Variants in POLDIP3 observed in about 807,000 individuals in gnomAD.
POLDIP3 encodes the protein DNA polymerase delta interacting protein 3.
A neutral mutation model predicts 45.1 loss-of-function variants in POLDIP3; 14 were observed. The observed-to-expected ratio is 0.31, with a 90% CI of 0.20 to 0.49. POLDIP3 has a LOEUF of 0.49. Ranked by LOEUF, POLDIP3 falls within the 20% of genes least tolerant of loss-of-function variation. The pLI, the probability that POLDIP3 is intolerant of heterozygous loss-of-function variation, is 0.99. For missense variants in POLDIP3, 511 were observed against 538.8 expected (o/e 0.95, Z 0.51); for synonymous variants, 223 against 205.2 (o/e 1.09, Z -0.74).
At chr22:42,591,911 G>T in intron 7 of POLDIP3, 44 bp downstream of exon 7, 1 of 1,612,420 alleles carries the variant, frequency 6.2e-7, no homozygotes, top group South Asian at 1.1e-5. Context: ...ACAGCAAGTA[G>T]AGATGAGTGG....
At chr22:42,588,238 G>A (rs1478543855) in intron 7 of POLDIP3, among the ~76,000 whole-genome samples, 3 of 152,118 alleles carry the variant, frequency 2.0e-5, no homozygotes, top group East Asian at 1.9e-4. Context: ...GGTGGATCAC[G>A]AAGTCAGGAG....
intron 6 of POLDIP3, 117 bp downstream of exon 6, chr22:42,595,420 G>C (rs552799820): frequency 1.1e-6 from 1 of 883,888 alleles, no homozygotes; most frequent in Non-Finnish European, 1.9e-6. Flanking sequence ...CCCTGAGCGT[G>C]ACTATATGCT....
chr22:42,596,510 C>T (rs770530575), intron 4 of POLDIP3, 145 bp from the exon 5 acceptor site: 19 of 790,876 alleles, frequency 2.4e-5, no homozygotes, highest in Non-Finnish European at 3.4e-5. Context: ...GCCAAAAAGG[C>T]TGCCGGCTGC....
At chr22:42,594,134 G>A (rs1194117783) in intron 6 of POLDIP3, among the ~76,000 whole-genome samples, 2 of 152,070 alleles carry the variant, frequency 1.3e-5, no homozygotes, top group South Asian at 2.1e-4. Context: ...GGTGGCACAC[G>A]CCTATAATCC....
intron 7 of POLDIP3, among the ~76,000 whole-genome samples, chr22:42,590,949 C>T (rs900510455): frequency 6.6e-6 from 1 of 152,044 alleles, no homozygotes; most frequent in Non-Finnish European, 1.5e-5. Flanking sequence ...TGGCGTGCAC[C>T]TGTAGTCCCA....
At chr22:42,598,433 A>G (rs1395932653) in intron 4 of POLDIP3, among the ~76,000 whole-genome samples, 1 of 151,714 alleles carries the variant, frequency 6.6e-6, no homozygotes. Flanking sequence ...TGGTATTTTT[A>G]GTAGAGACGG....
Position 42,584,898 on chromosome 22 carries a change from A to C in POLDIP3, c.*893T>G, listed in dbSNP as rs983320308. ...GACCTCTTCCATTCAAATAAGCTCC[A>C]AACCCAAGCACTGCACAATGGGAGG... On this transcript the variant is annotated 3_prime_UTR_variant, in exon 9 of 9. Coordinates refer to ENST00000252115, the MANE Select transcript of POLDIP3 (RefSeq NM_032311.5). The C allele has an allele frequency of 8.8e-6, 4 of 456,164 alleles. No homozygotes were observed. Among genetic ancestry groups the C allele is most frequent in the Non-Finnish European group, 1.8e-5 (4 of 226,974 alleles). The allele number at this position is 456,164 out of a possible 1,614,324, so 28.3% of individuals were successfully genotyped here.
chr22:42,614,344 C>T (rs998932700), intron 1 of POLDIP3, among the ~76,000 whole-genome samples: 3 of 152,270 alleles, frequency 2.0e-5, no homozygotes, highest in African/African-American at 4.8e-5. Context: ...GGGATTTGGG[C>T]TTGCGCCTCA....
intron 1 of POLDIP3, among the ~76,000 whole-genome samples, chr22:42,612,441 C>T (rs1009573391): frequency 3.9e-5 from 6 of 152,218 alleles, no homozygotes; most frequent in African/African-American, 1.4e-4. Context: ...CTCACCTATG[C>T]TCCAGGGGCG....
chr22:42,588,496 T>C (rs1021290874), intron 7 of POLDIP3, among the ~76,000 whole-genome samples: 5 of 150,918 alleles, frequency 3.3e-5, no homozygotes, highest in Non-Finnish European at 7.4e-5. Flanking sequence ...GAAATAAACC[T>C]AATTATCAAT....
chr22:42,599,582 G>A, intron 4 of POLDIP3, 116 bp downstream of exon 4: 1 of 773,770 alleles, frequency 1.3e-6, no homozygotes, highest in Non-Finnish European at 2.2e-6. Context: ...CCAGCAGCCT[G>A]GGGGAGAAGA....
chr22:42,592,221 C>T lies in POLDIP3; in HGVS notation c.892-137G>A, dbSNP rs189872102. The T allele has an allele frequency of 1.5e-3, 1,926 of 1,298,050 alleles. 1 individual carries two copies. Among genetic ancestry groups the T allele is most frequent in the Non-Finnish European group, 1.9e-3 (1,751 of 932,706 alleles). 80.4% of individuals were successfully genotyped at this position (1,298,050 alleles called of 1,614,324 possible). On this transcript the variant is annotated intron_variant, in intron 6 of 8. Coordinates refer to ENST00000252115, the MANE Select transcript of POLDIP3 (RefSeq NM_032311.5). ...CGCCTGAGACTGCGGGGAGGCTCCACGCGAGGTGGTGCTCTGGAGACATCC... is the reference window on the plus strand; with the variant it reads ...CGCCTGAGACTGCGGGGAGGCTCCATGCGAGGTGGTGCTCTGGAGACATCC...
chr22:42,602,988 G>A lies in POLDIP3; in HGVS notation c.232C>T (p.Leu78Phe). 1 of 1,613,988 alleles carries A rather than the reference G, an allele frequency of 6.2e-7. No individual in the cohort carries two copies. The highest frequency in any genetic ancestry group is 1.1e-5 in the South Asian group (1 of 91,066). ...KLGVKDAREKLLQKDARFRIK... is the reference protein window; with the variant it reads ...KLGVKDAREKFLQKDARFRIK... Reference sequence around the variant, plus strand: ...CGAAATCGGGCATCTTTCTGCAAAAGCTTCTCCCGGGCATCCTTGACTCCC... The same window carrying A: ...CGAAATCGGGCATCTTTCTGCAAAAACTTCTCCCGGGCATCCTTGACTCCC... The change falls in exon 2 of 9, where the codon CTT becomes TTT. Residue 78 changes from leucine to phenylalanine, a missense_variant. By Grantham distance (22) the Leu-to-Phe change is conservative. Transcript: ENST00000252115.
intron 1 of POLDIP3, among the ~76,000 whole-genome samples, chr22:42,610,469 T>A (rs1455176268): frequency 1.3e-5 from 2 of 152,086 alleles, no homozygotes; most frequent in Non-Finnish European, 2.9e-5. Context: ...GCTGCTCAAC[T>A]CCAGCCTCCA....
rs1311111685 is a variant in POLDIP3, at chr22:42,602,811, C to T, written c.409G>A (p.Gly137Arg). The T allele has an allele frequency of 1.2e-6, 2 of 1,611,852 alleles. No homozygotes were observed. Among genetic ancestry groups the T allele is most frequent in the South Asian group, 1.1e-5 (1 of 91,058 alleles). ...SPAAFINPPIGTVTPALKLTK... is the reference protein window; with the variant it reads ...SPAAFINPPIRTVTPALKLTK... ...AGCTTCAGAGCAGGGGTCACTGTCC[C>T]AATGGGTGGGTTTATGAAGGCAGCA... The change falls in exon 2 of 9, where the codon GGG becomes AGG. Residue 137 changes from glycine to arginine, a missense_variant. By Grantham distance (125) the Gly-to-Arg change is moderately radical (BLOSUM62 -2). Around this residue, in one of 4 missense-constraint regions of POLDIP3, gnomAD observed 378 missense variants for 352.3 expected, o/e 1.07. Coordinates refer to ENST00000252115, the MANE Select transcript of POLDIP3 (RefSeq NM_032311.5).
chr22:42,606,216 C>CT lies in POLDIP3; in HGVS notation c.60-3057dup, dbSNP rs879501512. 6.4e-3 allele frequency among the ~76,000 whole-genome samples: 911 copies of CT among 143,214 alleles called. 6 individuals carry two copies. The highest frequency in any genetic ancestry group is 0.019 in the African/African-American group (743 of 39,170). The allele number at this position is 143,214 out of a possible 152,430, so 94.0% of individuals were successfully genotyped here. A position where few individuals can be genotyped will look rare whatever the true frequency, so the allele number is the denominator to read the frequency against. ...ACAGGTTGACAATTTTTCACACAGA[C>CT]TTTTTTTTTTTTTTAAGAAACAAGG... is the stretch of plus-strand genomic sequence containing the variant. On this transcript the variant is annotated intron_variant, in intron 1 of 8. Transcript: ENST00000252115.
rs369100027 is a variant in POLDIP3 at position 42,590,385 on chromosome 22, C to T, written c.1021+1570G>A. Among the ~76,000 whole-genome samples, 126 of 152,218 alleles carry T rather than the reference C, an allele frequency of 8.3e-4. 1 individual carries two copies. The highest frequency in any genetic ancestry group is 2.9e-3 in the African/African-American group (122 of 41,528). ...TATTTTTTGAGACAGGGTCTTGCCA[C>T]GTTGCACAGGTTGGTCTCAAGTTTC... On this transcript the variant is annotated intron_variant, in intron 7 of 8. Transcript: ENST00000252115.
At chr22:42,611,633 G>A (rs1271537606) in intron 1 of POLDIP3, among the ~76,000 whole-genome samples, 2 of 152,190 alleles carry the variant, frequency 1.3e-5, no homozygotes, top group Non-Finnish European at 2.9e-5. Flanking sequence ...GTGGCACTTT[G>A]GGAGGCTGAG....
intron 7 of POLDIP3, among the ~76,000 whole-genome samples, chr22:42,589,242 C>CAAAA (rs548287361): frequency 1.5e-5 from 1 of 64,670 alleles, no homozygotes; most frequent in African/African-American, 6.4e-5. Flanking sequence ...GACTCCGTCT[C>CAAAA]AAAAAAAAAA....
Sources: gnomAD v4.1 joint callset for allele counts (sites outside exome capture counted in the v4.1 genomes callset) on GRCh38, gnomAD v4.1.1 for gene constraint, gnomAD v4.1.1 regional missense constraint, MANE v1.5 for transcripts, NCBI Gene and HGNC (gene_info 2026-07-23, HGNC 2026-07-21) for gene names.